The following UIMC1 variants were observed in gnomAD, a reference collection of about 807,000 sequenced individuals.
UIMC1 encodes the protein ubiquitin interaction motif containing 1.
In UIMC1, 42 loss-of-function variants were observed where a neutral mutation model predicts 84.9. The observed-to-expected ratio is 0.49, with a 90% CI of 0.39 to 0.64. UIMC1 has a LOEUF of 0.64. Ranked by LOEUF, UIMC1 falls within the 30% of genes least tolerant of loss-of-function variation. The pLI, the probability that UIMC1 is intolerant of heterozygous loss-of-function variation, is 0.00. For missense variants in UIMC1, 825 were observed against 847.6 expected (o/e 0.97, Z 0.33); for synonymous variants, 281 against 293.0 (o/e 0.96, Z 0.42).
At chr5:176,963,619 CCACAGA>C (rs1437604533) in intron 6 of UIMC1, among the ~76,000 whole-genome samples, 1 of 151,758 alleles carries the variant, frequency 6.6e-6, no homozygotes, top group Non-Finnish European at 1.5e-5. Context: ...TTAGGTTTTT[CCACAGA>C]CTAGTTGAAC....
chr5:176,933,561 T>TG (rs1331832028), intron 10 of UIMC1, among the ~76,000 whole-genome samples: 1 of 151,900 alleles, frequency 6.6e-6, no homozygotes, highest in East Asian at 1.9e-4. Flanking sequence ...GACAGGGTCT[T>TG]GCTCAGTCAC....
intron 10 of UIMC1, among the ~76,000 whole-genome samples, chr5:176,920,878 G>A (rs576662877): frequency 1.3e-5 from 2 of 152,298 alleles, no homozygotes; most frequent in South Asian, 4.1e-4. Context: ...AAAGCTTTCA[G>A]TCTTTCACCA....
intron 2 of UIMC1, among the ~76,000 whole-genome samples, chr5:176,977,643 C>T (rs967667927): frequency 1.0e-4 from 15 of 150,010 alleles, no homozygotes; most frequent in African/African-American, 3.4e-4. Context: ...GGCGCAGTGG[C>T]TCACACCTGT....
chr5:176,979,237 T>C (rs577348668), intron 2 of UIMC1, among the ~76,000 whole-genome samples: 18 of 152,212 alleles, frequency 1.2e-4, no homozygotes, highest in Admixed American at 7.2e-4. Flanking sequence ...TTTCAAAATA[T>C]ACGTATGCTG....
chr5:176,968,201 G>A (rs1010246031), intron 6 of UIMC1, among the ~76,000 whole-genome samples: 9 of 151,982 alleles, frequency 5.9e-5, no homozygotes, highest in Non-Finnish European at 1.2e-4. Flanking sequence ...GTAAAACCCC[G>A]TCTCTACTAA....
At chr5:177,018,781 A>G (rs1041670994) in intron 1 of UIMC1, among the ~76,000 whole-genome samples, 1 of 152,234 alleles carries the variant, frequency 6.6e-6, no homozygotes, top group Non-Finnish European at 1.5e-5. Context: ...CCTCCATGGC[A>G]CAGGGGATGA....
chr5:176,950,496 G>T lies in UIMC1; in HGVS notation c.1443+978C>A, dbSNP rs186824610. ...GAGGAATTTGGCTCTCAGGTTGCTT[G>T]TGACAGCAACAGATTTTTAAGATTT... On this transcript the variant is annotated intron_variant, in intron 9 of 14. Transcript: ENST00000511320. Among the ~76,000 whole-genome samples the T allele has an allele frequency of 3.9e-5, 6 of 152,212 alleles. No homozygotes were observed. In the East Asian group the frequency reaches 1.2e-3, roughly 29 times the overall value.
intron 1 of UIMC1, among the ~76,000 whole-genome samples, chr5:176,998,585 T>C (rs1375974753): frequency 6.7e-6 from 1 of 149,170 alleles, no homozygotes; most frequent in Non-Finnish European, 1.5e-5. Flanking sequence ...CTGACAGACA[T>C]GGAGAAACCC....
intron 2 of UIMC1, among the ~76,000 whole-genome samples, chr5:176,979,905 T>TA (rs745492596): frequency 6.6e-6 from 1 of 152,150 alleles, no homozygotes; most frequent in Non-Finnish European, 1.5e-5. Context: ...CAGAGGAGAT[T>TA]AGAGTGTCAG....
intron 10 of UIMC1, among the ~76,000 whole-genome samples, chr5:176,933,094 C>T (rs1487565963): frequency 6.6e-6 from 1 of 152,096 alleles, no homozygotes; most frequent in East Asian, 1.9e-4. Flanking sequence ...GGGCTGCTGG[C>T]CCAGGCTGCA....
At chr5:176,986,504 T>A (rs150738634) in intron 1 of UIMC1, among the ~76,000 whole-genome samples, 1,310 of 129,834 alleles carry the variant, frequency 0.01, 7 homozygotes, top group Middle Eastern at 0.029. Context: ...AACTTCAGCC[T>A]AGGCAACTGG....
At chr5:177,004,989 G>A (rs867589531) in intron 1 of UIMC1, among the ~76,000 whole-genome samples, 6 of 152,142 alleles carry the variant, frequency 3.9e-5, no homozygotes, top group South Asian at 2.1e-4. Context: ...CTGGTCCAAA[G>A]GTCAAGCAAT....
intron 10 of UIMC1, among the ~76,000 whole-genome samples, chr5:176,939,444 C>A (rs1764153641): frequency 6.6e-6 from 1 of 152,122 alleles, no homozygotes; most frequent in Non-Finnish European, 1.5e-5. Flanking sequence ...AACGGACCAT[C>A]TATATGATGG....
At chr5:176,932,684 T>C (rs1763257066) in intron 10 of UIMC1, among the ~76,000 whole-genome samples, 1 of 152,148 alleles carries the variant, frequency 6.6e-6, no homozygotes, top group South Asian at 2.1e-4. Context: ...TTCTATTACT[T>C]TTCTATTCAG....
In UIMC1 at chr5:176,968,565, C is replaced by T. The variant is rs989476876; in HGVS notation, c.1190G>A (p.Ser397Asn). The change falls in exon 6 of 15, where the codon AGT (serine) becomes AAT (asparagine). Residue 397 changes from serine (S) to asparagine (N), a missense_variant. Ser to Asn is a conservative substitution (Grantham distance 46, BLOSUM62 1). Coordinates refer to ENST00000511320, the MANE Select transcript of UIMC1 (RefSeq NM_001199298.2). Reference sequence around the variant, plus strand: ...ATCACTGACCCTTACCTGACCATGACTGGTTGTTGGTTCTTCCTCCAACAA... The same window carrying T: ...ATCACTGACCCTTACCTGACCATGATTGGTTGTTGGTTCTTCCTCCAACAA... ...KLLLEEEPTT[S>N]HGQSSQGIVE... The T allele has an allele frequency of 6.2e-7, 1 of 1,608,976 alleles. No homozygotes were observed. The highest frequency in any genetic ancestry group is 2.2e-5 in the East Asian group (1 of 44,868).
intron 9 of UIMC1, among the ~76,000 whole-genome samples, chr5:176,945,500 C>T (rs989632338): frequency 1.3e-5 from 2 of 152,162 alleles, no homozygotes; most frequent in Non-Finnish European, 1.5e-5. Context: ...ACTGCTAGAA[C>T]GAGTCAACAG....
intron 10 of UIMC1, among the ~76,000 whole-genome samples, chr5:176,919,531 C>A (rs1761438904): frequency 6.6e-6 from 1 of 152,196 alleles, no homozygotes; most frequent in Non-Finnish European, 1.5e-5. Flanking sequence ...AAGGTGTCAA[C>A]TGTGTTGCCC....
At chr5:176,913,586 C>A (rs1350761015) in intron 10 of UIMC1, among the ~76,000 whole-genome samples, 1 of 152,236 alleles carries the variant, frequency 6.6e-6, no homozygotes, top group Non-Finnish European at 1.5e-5. Context: ...TCAGTCAAGG[C>A]TGTGTTTGCT....
Position 176,905,397 on chromosome 5 carries a change from A to G in UIMC1, c.2045T>C (p.Phe682Ser), listed in dbSNP as rs369903458. Reference sequence around the variant, plus strand: ...ATCTGTGGCTTCTGAAATGGAAACAAAAGACTTGACGGGAGATTCATTTAA... The same window carrying G: ...ATCTGTGGCTTCTGAAATGGAAACAGAAGACTTGACGGGAGATTCATTTAA... ...RDLNESPVKS[F>S]VSISEATDCL... Residue 682 changes from phenylalanine (F) to serine (S), a missense_variant, in exon 15 of 15, where the codon TTT becomes TCT. Transcript: ENST00000511320. 1.9e-6 allele frequency: 3 copies of G among 1,614,120 alleles called. No individual in the cohort carries two copies. Among genetic ancestry groups the G allele is most frequent in the Non-Finnish European group, 2.5e-6 (3 of 1,180,000 alleles).
Sources: allele counts gnomAD v4.1 joint callset (sites outside exome capture counted in the v4.1 genomes callset), GRCh38; gene constraint gnomAD v4.1.1; transcripts MANE v1.5; gene names NCBI Gene and HGNC (gene_info 2026-07-23, HGNC 2026-07-21).